Variants in HS6ST3 observed in about 807,000 individuals in gnomAD.
HS6ST3 encodes heparan sulfate 6-O-sulfotransferase 3.
Under a neutral mutation model 36.7 loss-of-function variants are expected in HS6ST3, and 12 were observed. That is an observed-to-expected ratio of 0.33 (90% CI 0.21 to 0.53). HS6ST3 has a LOEUF of 0.53. Ranked by LOEUF, HS6ST3 falls within the 20% of genes least tolerant of loss-of-function variation. The probability of loss-of-function intolerance (pLI) is 0.95; values close to 1 mark genes in which losing one functional copy is unlikely to be tolerated. For synonymous variants in HS6ST3, 240 were observed against 257.5 expected (o/e 0.93, Z 0.65); for missense variants, 584 against 640.9 (o/e 0.91, Z 0.96).
intron 1 of HS6ST3, among the ~76,000 whole-genome samples, chr13:96,760,726 G>C (rs190942602): frequency 2.0e-5 from 3 of 152,148 alleles, no homozygotes; most frequent in Admixed American, 2.0e-4. Flanking sequence ...AAACATCTCA[G>C]ACTAATGGAT....
chr13:96,745,971 T>C (rs747147753), intron 1 of HS6ST3, among the ~76,000 whole-genome samples: 1 of 152,020 alleles, frequency 6.6e-6, no homozygotes, highest in Non-Finnish European at 1.5e-5. Context: ...CAGTTTCTGA[T>C]TGGTTTTTCT....
chr13:96,339,535 T>G (rs922570157), intron 1 of HS6ST3, among the ~76,000 whole-genome samples: 12 of 152,276 alleles, frequency 7.9e-5, no homozygotes, highest in African/African-American at 2.9e-4. Flanking sequence ...CAGAAGCCAC[T>G]AAAGTAAAAG....
intron 1 of HS6ST3, among the ~76,000 whole-genome samples, chr13:96,209,892 T>A (rs1046278898): frequency 6.6e-6 from 1 of 152,232 alleles, no homozygotes; most frequent in Non-Finnish European, 1.5e-5. Context: ...GACATTGTCC[T>A]CTTTAATTTC....
chr13:96,233,670 A>G (rs1386366606), intron 1 of HS6ST3, among the ~76,000 whole-genome samples: 1 of 152,182 alleles, frequency 6.6e-6, no homozygotes, highest in Non-Finnish European at 1.5e-5. Flanking sequence ...ATAGAAAACA[A>G]TGAGATGATA....
intron 1 of HS6ST3, among the ~76,000 whole-genome samples, chr13:96,811,334 G>A (rs1594866000): frequency 2.0e-5 from 3 of 152,232 alleles, no homozygotes; most frequent in African/African-American, 4.8e-5. Context: ...TATGATTTGG[G>A]CCCTGTTCCT....
intron 1 of HS6ST3, among the ~76,000 whole-genome samples, chr13:96,471,313 A>G (rs2055839191): frequency 6.6e-6 from 1 of 152,144 alleles, no homozygotes; most frequent in Non-Finnish European, 1.5e-5. Flanking sequence ...TTCCTTCTAT[A>G]GACCAGATTT....
At chr13:96,467,599 A>G (rs2055820439) in intron 1 of HS6ST3, among the ~76,000 whole-genome samples, 1 of 152,166 alleles carries the variant, frequency 6.6e-6, no homozygotes, top group Admixed American at 6.6e-5. Flanking sequence ...GGAACCTATA[A>G]TCTAAAGGAA....
At chr13:96,160,165 G>A (rs2054129242) in intron 1 of HS6ST3, among the ~76,000 whole-genome samples, 1 of 152,180 alleles carries the variant, frequency 6.6e-6, no homozygotes. Flanking sequence ...GAAGCATCTT[G>A]TTTTTAATAG....
At chr13:96,707,200 C>A (rs763782544) in intron 1 of HS6ST3, among the ~76,000 whole-genome samples, 24 of 152,102 alleles carry the variant, frequency 1.6e-4, no homozygotes, top group Non-Finnish European at 3.2e-4. Flanking sequence ...AAAGTGGAGT[C>A]TTTATTAGTG....
chr13:96,238,164 T>TG (rs34555659), intron 1 of HS6ST3, among the ~76,000 whole-genome samples: 10,604 of 152,202 alleles, frequency 0.07, 770 homozygotes, highest in African/African-American at 0.19. Context: ...GAAAGAACTC[T>TG]GGGGGGTCAT....
chr13:96,443,178 GA>G lies in HS6ST3; in HGVS notation c.707+351614del, dbSNP rs200875334. Among the ~76,000 whole-genome samples the G allele has an allele frequency of 1.8e-3, 272 of 151,794 alleles. 2 individuals carry two copies. Among genetic ancestry groups the G allele is most frequent in the African/African-American group, 6.5e-3 (267 of 41,324 alleles). On this transcript the variant is annotated intron_variant, in intron 1 of 1. Transcript: ENST00000376705. ...TAAAATCATTTAAAATGTAAAATTT[GA>G]AAAATGATTTTTTTTGTAAAAAAAT...
intron 1 of HS6ST3, among the ~76,000 whole-genome samples, chr13:96,552,672 T>C (rs7328309): frequency 0.26 from 39,050 of 151,834 alleles, 5,626 homozygotes; most frequent in East Asian, 0.37. Context: ...TCTGGACAAG[T>C]GGTGGAGCTT....
intron 1 of HS6ST3, among the ~76,000 whole-genome samples, chr13:96,568,453 G>A (rs1169004725): frequency 6.6e-6 from 1 of 152,066 alleles, no homozygotes; most frequent in Non-Finnish European, 1.5e-5. Context: ...TTTTAGTAGA[G>A]ACAGGGTTTC....
chr13:96,267,415 C>G (rs2054697795), intron 1 of HS6ST3, among the ~76,000 whole-genome samples: 1 of 152,112 alleles, frequency 6.6e-6, no homozygotes, highest in African/African-American at 2.4e-5. Flanking sequence ...AATTCTAATT[C>G]TAATTTAACC....
At chr13:96,475,333 G>A (rs913582647) in intron 1 of HS6ST3, among the ~76,000 whole-genome samples, 50 of 152,086 alleles carry the variant, frequency 3.3e-4, no homozygotes, top group African/African-American at 1.1e-3. Flanking sequence ...CACACTAAAC[G>A]GGGATGACAG....
At chr13:96,183,065 G>A (rs2054246962) in intron 1 of HS6ST3, among the ~76,000 whole-genome samples, 1 of 152,126 alleles carries the variant, frequency 6.6e-6, no homozygotes, top group Admixed American at 6.6e-5. Flanking sequence ...CATGGGACAT[G>A]GCCCTGTTGT....
intron 1 of HS6ST3, among the ~76,000 whole-genome samples, chr13:96,740,842 C>T (rs1876419487): frequency 6.6e-6 from 1 of 152,180 alleles, no homozygotes; most frequent in Non-Finnish European, 1.5e-5. Context: ...CAGCCTGAGG[C>T]TGTCAGATGG....
chr13:96,348,728 T>A (rs1469809575), intron 1 of HS6ST3, among the ~76,000 whole-genome samples: 1 of 152,182 alleles, frequency 6.6e-6, no homozygotes, highest in Non-Finnish European at 1.5e-5. Context: ...CTCAACTCAT[T>A]TCCCAAGGCA....
At chr13:96,802,214 C>A (rs1441841365) in intron 1 of HS6ST3, among the ~76,000 whole-genome samples, 1 of 152,142 alleles carries the variant, frequency 6.6e-6, no homozygotes, top group African/African-American at 2.4e-5. Context: ...TGTTAACGGC[C>A]TAGACCTATC....
Sources: gnomAD v4.1 joint callset for allele counts (sites outside exome capture counted in the v4.1 genomes callset) on GRCh38, gnomAD v4.1.1 for gene constraint, MANE v1.5 for transcripts, NCBI Gene and HGNC (gene_info 2026-07-23, HGNC 2026-07-21) for gene names.